Variants in TCEA3 observed in about 807,000 individuals in gnomAD.
TCEA3 encodes transcription elongation factor A protein 3.
In TCEA3, 36 loss-of-function variants were observed where a neutral mutation model predicts 44.0. That is an observed-to-expected ratio of 0.82 (90% CI 0.63 to 1.08). The LOEUF (loss-of-function observed/expected upper bound fraction) is 1.08. Ranked by LOEUF, TCEA3 falls within the 50% of genes least tolerant of loss-of-function variation. The probability of loss-of-function intolerance (pLI) is 0.00; values close to 1 mark genes in which losing one functional copy is unlikely to be tolerated. For synonymous variants in TCEA3, 162 were observed against 159.7 expected (o/e 1.01, Z -0.11); for missense variants, 392 against 441.2 (o/e 0.89, Z 1.00).
chr1:23,392,142 C>T (rs1339957505), intron 8 of TCEA3, among the ~76,000 whole-genome samples: 1 of 152,094 alleles, frequency 6.6e-6, no homozygotes, highest in Non-Finnish European at 1.5e-5. Flanking sequence ...TGCCAAGTTC[C>T]CCATTTCATC....
rs1437574450 is a variant in TCEA3 at position 23,397,888 on chromosome 1, C to A, written c.511G>T (p.Ala171Ser). 10 of 1,613,868 alleles carry A rather than the reference C, an allele frequency of 6.2e-6. No homozygotes were observed. Among genetic ancestry groups the A allele is most frequent in the Non-Finnish European group, 8.5e-6 (10 of 1,179,854 alleles). The change falls in exon 6 of 11, where the codon GCC (alanine) becomes TCC (serine). Residue 171 changes from alanine (A) to serine (S), a missense_variant. Coordinates refer to ENST00000450454, the MANE Select transcript of TCEA3 (RefSeq NM_003196.3). ...GGGGCCAGGAGACACATGGAAGAGG[C>A]AAACGTGGGGGTCAAGGGGCTGCTA... is the stretch of plus-strand genomic sequence containing the variant. ...TPSSPLTPTFASSMCLLAPCY... is the reference protein window; with the variant it reads ...TPSSPLTPTFSSSMCLLAPCY...
intron 1 of TCEA3, among the ~76,000 whole-genome samples, chr1:23,423,413 A>G (rs1244496908): frequency 6.6e-6 from 1 of 152,182 alleles, no homozygotes; most frequent in Non-Finnish European, 1.5e-5. Flanking sequence ...GAAGAAACTG[A>G]GGCTCTGGCC....
In TCEA3 at chr1:23,422,228, T is replaced by C. The variant is rs528049309; in HGVS notation, c.69+2337A>G. Among the ~76,000 whole-genome samples the C allele has an allele frequency of 4.6e-5, 7 of 152,376 alleles. No individual in the cohort carries two copies. In the East Asian group the frequency reaches 1.3e-3, roughly 29 times the overall value. On this transcript the variant is annotated intron_variant, in intron 1 of 10. Transcript: ENST00000450454. ...CGTGTGTGGCTGTCTTTGTGTATCA[T>C]TCTATAACTATAATGGTCAATGTGG...
At chr1:23,392,545 C>A (rs1639084203) in intron 8 of TCEA3, among the ~76,000 whole-genome samples, 7 of 9,344 alleles carry the variant, frequency 7.5e-4, no homozygotes, top group African/African-American at 3.5e-3. Flanking sequence ...TCATACACGC[C>A]ACATACACTC....
chr1:23,422,251 TG>T (rs1314918133), intron 1 of TCEA3, among the ~76,000 whole-genome samples: 1 of 152,204 alleles, frequency 6.6e-6, no homozygotes, highest in East Asian at 1.9e-4. Context: ...ATGGTCAATG[TG>T]GGTCATATGG....
At position 23,381,158 on chromosome 1, in the gene TCEA3, TC is replaced by T. The variant is rs1638663833; in HGVS notation, c.*307del. On this transcript the variant is annotated 3_prime_UTR_variant, in exon 11 of 11. Transcript: ENST00000450454. ...TCAAACTTCTGGGGTTAAGCGATTCTCCCACCTCAGCCTCCCAGAGTTTGCA... is the reference window on the plus strand; with the variant it reads ...TCAAACTTCTGGGGTTAAGCGATTCTCCACCTCAGCCTCCCAGAGTTTGCA... The T allele has an allele frequency of 5.5e-6, 2 of 363,190 alleles. No individual in the cohort carries two copies. Among genetic ancestry groups the T allele is most frequent in the African/African-American group, 4.2e-5 (2 of 47,170 alleles). The allele number at this position is 363,190 out of a possible 1,614,324, so 22.5% of individuals were successfully genotyped here.
At chr1:23,406,873 C>T (rs1052645606) in intron 5 of TCEA3, among the ~76,000 whole-genome samples, 5 of 152,192 alleles carry the variant, frequency 3.3e-5, no homozygotes, top group African/African-American at 1.2e-4. Flanking sequence ...CTGCCCGCCT[C>T]GGCCTCCTAA....
At chr1:23,413,895 A>G (rs1639807706) in intron 4 of TCEA3, among the ~76,000 whole-genome samples, 1 of 151,556 alleles carries the variant, frequency 6.6e-6, no homozygotes, top group African/African-American at 2.4e-5. Context: ...GTTACAAAAT[A>G]GTATACAGAG....
chr1:23,401,626 C>T (rs1045086201), intron 5 of TCEA3, among the ~76,000 whole-genome samples: 14 of 152,290 alleles, frequency 9.2e-5, no homozygotes, highest in African/African-American at 3.4e-4. Context: ...TGAACAGTCA[C>T]AATAGCCCCA....
intron 5 of TCEA3, among the ~76,000 whole-genome samples, chr1:23,402,054 C>T (rs1376044433): frequency 1.3e-5 from 2 of 152,198 alleles, no homozygotes; most frequent in Admixed American, 1.3e-4. Context: ...TAAAGTAAAA[C>T]TCCTGGCCGG....
chr1:23,416,681 G>A (rs1004722069), intron 4 of TCEA3, among the ~76,000 whole-genome samples: 8 of 151,930 alleles, frequency 5.3e-5, no homozygotes, highest in South Asian at 2.1e-4. Flanking sequence ...TTGTAGAGGC[G>A]GAGTTTTGCC....
intron 1 of TCEA3, chr1:23,419,352 G>A (rs1411332284): frequency 7.8e-6 from 3 of 383,340 alleles, no homozygotes; most frequent in African/African-American, 2.1e-5. Flanking sequence ...CAAACCCTCT[G>A]AGCCAGGCTC....
intron 4 of TCEA3, among the ~76,000 whole-genome samples, chr1:23,409,661 C>T (rs1357278419): frequency 6.6e-6 from 1 of 152,118 alleles, no homozygotes; most frequent in African/African-American, 2.4e-5. Flanking sequence ...GACTCTCCTG[C>T]CTCAGCCTCC....
Position 23,387,423 on chromosome 1 carries a change from G to A in TCEA3, c.820-4C>T, listed in dbSNP as rs780927138. Reference sequence around the variant, plus strand: ...TCAGTTCATCACTGGCCATTTCCTGGAGAAAAAAGAGTCTACCCTTCAGGG... The same window carrying A: ...TCAGTTCATCACTGGCCATTTCCTGAAGAAAAAAGAGTCTACCCTTCAGGG... On this transcript the variant is annotated splice_polypyrimidine_tract_variant and splice_region_variant and intron_variant, in intron 8 of 10. Transcript: ENST00000450454. The A allele has an allele frequency of 8.2e-6, 13 of 1,590,346 alleles. No homozygotes were observed. Among genetic ancestry groups the A allele is most frequent in the East Asian group, 2.3e-5 (1 of 44,254 alleles).
Position 23,417,379 on chromosome 1 carries a change from G to A in TCEA3, c.250C>T (p.Pro84Ser), listed in dbSNP as rs762386549. 9.3e-6 allele frequency: 15 copies of A among 1,612,748 alleles called. No individual in the cohort carries two copies. Among genetic ancestry groups the A allele is most frequent in the South Asian group, 3.3e-5 (3 of 90,878 alleles). The change falls in exon 4 of 11, where the codon CCC becomes TCC. Residue 84 changes from proline to serine, a missense_variant. By Grantham distance (74) the Pro-to-Ser change is moderately conservative (BLOSUM62 -1). Transcript: ENST00000450454. ...NWKRLLDSPG[P>S]PKGEKGEERE... is the part of the protein sequence containing the mutation. ...TCCTCTCCTTTTTCTCCTTTTGGGG[G>A]TCCAGGGGAGTCTGAAAACAAAAGG...
chr1:23,404,241 C>T (rs1295231562), intron 5 of TCEA3: 1 of 696,722 alleles, frequency 1.4e-6, no homozygotes, highest in Non-Finnish European at 2.6e-6. Flanking sequence ...AACATGGTAT[C>T]CTCCGTGGTC....
At chr1:23,410,379 G>A (rs1639673327) in intron 4 of TCEA3, among the ~76,000 whole-genome samples, 1 of 152,064 alleles carries the variant, frequency 6.6e-6, no homozygotes, top group Admixed American at 6.5e-5. Context: ...TATTGCAAAT[G>A]ACTGTTATGA....
At position 23,392,287 on chromosome 1, in the gene TCEA3, C is replaced by T. The variant is rs935875650; in HGVS notation, c.819+1592G>A. Reference sequence around the variant, plus strand: ...ACATGCCACACATACACAAACCACACATGCCACACATATGCTAATCACACA... The same window carrying T: ...ACATGCCACACATACACAAACCACATATGCCACACATATGCTAATCACACA... On this transcript the variant is annotated intron_variant, in intron 8 of 10. Transcript: ENST00000450454. Among the ~76,000 whole-genome samples, 38 of 149,128 alleles carry T rather than the reference C, an allele frequency of 2.5e-4. 2 individuals carry two copies. The highest frequency in any genetic ancestry group is 6.0e-5 in the Non-Finnish European group (4 of 67,066).
chr1:23,401,281 ACT>A (rs1312622014), intron 5 of TCEA3, among the ~76,000 whole-genome samples: 2 of 152,002 alleles, frequency 1.3e-5, no homozygotes, highest in Non-Finnish European at 2.9e-5. Context: ...GGGATGGTAA[ACT>A]CTGTTCTTGT....
Sources: gnomAD v4.1 joint callset for allele counts (sites outside exome capture counted in the v4.1 genomes callset) on GRCh38, gnomAD v4.1.1 for gene constraint, MANE v1.5 for transcripts, NCBI Gene and HGNC (gene_info 2026-07-23, HGNC 2026-07-21) for gene names.